ARB2A: variants seen among roughly 807,000 people sequenced by gnomAD.
ARB2A encodes cotranscriptional regulator ARB2A.
At chr5:94,055,375 T>C in the ARB2A span, among the ~76,000 whole-genome samples, 9 of 152,204 alleles carry the variant, frequency 5.9e-5, no homozygotes, top group African/African-American at 2.2e-4. Flanking sequence ...CAAATCTTTC[T>C]GTATAGAACA....
At chr5:93,693,347 T>G in the ARB2A span, among the ~76,000 whole-genome samples, 1 of 151,698 alleles carries the variant, frequency 6.6e-6, no homozygotes, top group Non-Finnish European at 1.5e-5. Context: ...ATCAAATAGA[T>G]GCAAGAAAAA....
chr5:93,944,406 G>A, the ARB2A span, among the ~76,000 whole-genome samples: 2 of 152,094 alleles, frequency 1.3e-5, no homozygotes, highest in African/African-American at 4.8e-5. Context: ...GACCAGCCTC[G>A]CCAACATAGT....
chr5:93,850,266 T>C, the ARB2A span, among the ~76,000 whole-genome samples: 2 of 152,184 alleles, frequency 1.3e-5, no homozygotes, highest in African/African-American at 4.8e-5. Context: ...AAAACTGATA[T>C]TCAATTATTC....
chr5:94,003,217 AGAGT>A, the ARB2A span, among the ~76,000 whole-genome samples: 3 of 152,202 alleles, frequency 2.0e-5, no homozygotes, highest in African/African-American at 7.2e-5. Flanking sequence ...TCAATTTGAT[AGAGT>A]ATCAACAAAA....
the ARB2A span, among the ~76,000 whole-genome samples, chr5:93,711,737 A>G: frequency 1.0e-3 from 158 of 152,392 alleles, no homozygotes; most frequent in African/African-American, 3.7e-3. Flanking sequence ...GTAGCACAGC[A>G]GTGCTTCCAG....
At chr5:93,789,010 A>G in the ARB2A span, among the ~76,000 whole-genome samples, 1 of 152,178 alleles carries the variant, frequency 6.6e-6, no homozygotes, top group African/African-American at 2.4e-5. Flanking sequence ...TTAAAGTCCA[A>G]GGGAATTCCT....
At chr5:94,035,617 T>C in the ARB2A span, among the ~76,000 whole-genome samples, 1 of 152,000 alleles carries the variant, frequency 6.6e-6, no homozygotes, top group African/African-American at 2.4e-5. Context: ...TGCCCATCAA[T>C]GTTAGACTGA....
chr5:93,716,805 T>G, the ARB2A span, among the ~76,000 whole-genome samples: 3 of 150,952 alleles, frequency 2.0e-5, no homozygotes, highest in Admixed American at 2.0e-4. Flanking sequence ...CTGTTCATAC[T>G]CAGTACAATT....
chr5:93,761,193 G>T, the ARB2A span, among the ~76,000 whole-genome samples: 1 of 152,198 alleles, frequency 6.6e-6, no homozygotes, highest in Non-Finnish European at 1.5e-5. Flanking sequence ...TCACTGGGGA[G>T]TGTCAGAAAG....
the ARB2A span, among the ~76,000 whole-genome samples, chr5:94,056,556 A>G: frequency 6.6e-6 from 1 of 152,206 alleles, no homozygotes; most frequent in African/African-American, 2.4e-5. Context: ...AATCCATATA[A>G]CCTAAATATG....
chr5:94,082,555 C>A, the ARB2A span, among the ~76,000 whole-genome samples: 3 of 152,104 alleles, frequency 2.0e-5, no homozygotes, highest in Admixed American at 6.6e-5. Flanking sequence ...GTACTGCAAA[C>A]AAGGCATTTA....
chr5:94,097,838 TC>T, the ARB2A span, among the ~76,000 whole-genome samples: 3 of 114,270 alleles, frequency 2.6e-5, no homozygotes, highest in Admixed American at 9.3e-5. Context: ...CATAAAGCCC[TC>T]CCCCCCACCA....
the ARB2A span, among the ~76,000 whole-genome samples, chr5:93,748,424 C>G: frequency 6.6e-6 from 1 of 151,848 alleles, no homozygotes; most frequent in Non-Finnish European, 1.5e-5. Flanking sequence ...GAGGGTAACC[C>G]TATGATAAGA....
chr5:94,109,756 C>T, the ARB2A span, among the ~76,000 whole-genome samples: 47 of 152,028 alleles, frequency 3.1e-4, no homozygotes, highest in Non-Finnish European at 5.1e-4. Flanking sequence ...GGAGCTCACT[C>T]CCTCATTTCA....
At chr5:93,661,198 T>C in the ARB2A span, among the ~76,000 whole-genome samples, 1 of 152,040 alleles carries the variant, frequency 6.6e-6, no homozygotes, top group Non-Finnish European at 1.5e-5. Context: ...TGATGAGCTT[T>C]ATGCTCGTAG....
At chr5:93,795,152 T>C in the ARB2A span, among the ~76,000 whole-genome samples, 3 of 152,026 alleles carry the variant, frequency 2.0e-5, no homozygotes, top group Admixed American at 2.0e-4. Flanking sequence ...TGGGGCTGTG[T>C]TTACCAGTCC....
chr5:93,834,514 C>A, the ARB2A span, among the ~76,000 whole-genome samples: 1 of 152,164 alleles, frequency 6.6e-6, no homozygotes, highest in Non-Finnish European at 1.5e-5. Flanking sequence ...CCAAGGCTGT[C>A]ACAAAATTAA....
At chr5:93,765,456 G>C in the ARB2A span, among the ~76,000 whole-genome samples, 27 of 152,158 alleles carry the variant, frequency 1.8e-4, no homozygotes, top group African/African-American at 6.5e-4. Flanking sequence ...TTGCTTCAAA[G>C]AGAATAAAAT....
chr5:93,938,983 C>A, the ARB2A span, among the ~76,000 whole-genome samples: 5 of 152,156 alleles, frequency 3.3e-5, no homozygotes, highest in Admixed American at 6.5e-5. Context: ...CTAAGAAGTA[C>A]ATTAAACTTT....
Sources: allele counts gnomAD v4.1 joint callset (sites outside exome capture counted in the v4.1 genomes callset), GRCh38; gene constraint gnomAD v4.1.1; transcripts MANE v1.5; gene names NCBI Gene and HGNC (gene_info 2026-07-23, HGNC 2026-07-21).